PCDH15: variants seen among roughly 807,000 people sequenced by gnomAD.
The protein encoded by PCDH15 is protocadherin-15.
In PCDH15, 129 loss-of-function variants were observed where a neutral mutation model predicts 178.5. The ratio of observed to expected loss-of-function variants is 0.72; its 90% CI spans 0.63 to 0.84. The LOEUF (loss-of-function observed/expected upper bound fraction) is 0.84. Among genes scored for constraint, PCDH15 ranks in the 40% least tolerant of loss-of-function variants. The pLI, the probability that PCDH15 is intolerant of heterozygous loss-of-function variation, is 0.00. For missense variants in PCDH15, 2,230 were observed against 2,099.9 expected, an observed-to-expected ratio of 1.06 and a Z score of -1.21; for synonymous variants, 800 against 732.0, an observed-to-expected ratio of 1.09 and a Z score of -1.50.
chr10:55,309,173 AT>A (rs1314260365), intron 1 of PCDH15, among the ~76,000 whole-genome samples: 29 of 152,278 alleles, frequency 1.9e-4, no homozygotes, highest in African/African-American at 6.7e-4. Flanking sequence ...GCAAATTTCA[AT>A]TTTTAATATA....
chr10:53,975,175 A>G (rs2090084325), intron 21 of PCDH15, among the ~76,000 whole-genome samples: 1 of 152,092 alleles, frequency 6.6e-6, no homozygotes, highest in African/African-American at 2.4e-5. Context: ...TCTTTATCCA[A>G]TACACCACTG....
chr10:55,386,758 A>C (rs953339604), intron 2 of PCDH15, among the ~76,000 whole-genome samples: 3 of 152,128 alleles, frequency 2.0e-5, no homozygotes, highest in African/African-American at 7.2e-5. Context: ...TAGTCTAAAA[A>C]GTGATCTTTT....
chr10:54,976,170 G>A (rs1389096935), intron 2 of PCDH15, among the ~76,000 whole-genome samples: 1 of 152,122 alleles, frequency 6.6e-6, no homozygotes, highest in East Asian at 1.9e-4. Flanking sequence ...TAGAGTAAAA[G>A]TTGTAGAAGA....
chr10:55,129,107 A>C (rs1448508719), intron 2 of PCDH15, among the ~76,000 whole-genome samples: 1 of 152,084 alleles, frequency 6.6e-6, no homozygotes, highest in Non-Finnish European at 1.5e-5. Context: ...AGGGAATCTT[A>C]ATCTTTTGTC....
intron 1 of PCDH15, among the ~76,000 whole-genome samples, chr10:55,272,407 T>A (rs1340350224): frequency 6.6e-6 from 1 of 151,158 alleles, no homozygotes; most frequent in Admixed American, 6.6e-5. Context: ...TTTTCTTATT[T>A]ATTTTATTTT....
intron 2 of PCDH15, among the ~76,000 whole-genome samples, chr10:55,055,971 T>C (rs1841288811): frequency 6.6e-6 from 1 of 152,174 alleles, no homozygotes; most frequent in Non-Finnish European, 1.5e-5. Context: ...GATGTACCTT[T>C]CATTCATACT....
intron 3 of PCDH15, among the ~76,000 whole-genome samples, chr10:54,436,031 G>GGAGA (rs753698148): frequency 0.018 from 633 of 34,578 alleles, 9 homozygotes; most frequent in Non-Finnish European, 0.032. Context: ...GGAGAGGAGA[G>GGAGA]GAGAGAGAGA....
At chr10:55,119,000 C>A (rs2132063996) in intron 2 of PCDH15, among the ~76,000 whole-genome samples, 1 of 152,238 alleles carries the variant, frequency 6.6e-6, no homozygotes, top group African/African-American at 2.4e-5. Flanking sequence ...GGACCATGCT[C>A]CCTCTGTTCA....
At chr10:54,597,051 T>C (rs550088195) in intron 2 of PCDH15, among the ~76,000 whole-genome samples, 1 of 151,908 alleles carries the variant, frequency 6.6e-6, no homozygotes, top group East Asian at 1.9e-4. Context: ...AAGCAGAAAA[T>C]TAACAAAAAT....
chr10:54,242,133 TATA>T (rs1336363092), intron 8 of PCDH15, among the ~76,000 whole-genome samples: 9 of 3,092 alleles, frequency 2.9e-3, no homozygotes, highest in East Asian at 0.021. Context: ...TCTATTTTTA[TATA>T]TATATATATA....
intron 2 of PCDH15, among the ~76,000 whole-genome samples, chr10:55,484,424 C>A (rs2132121660): frequency 6.6e-6 from 1 of 151,850 alleles, no homozygotes; most frequent in South Asian, 2.1e-4. Flanking sequence ...ATCCTATCTT[C>A]ATCCTATGAA....
chr10:54,288,269 G>A (rs996432915), intron 8 of PCDH15, among the ~76,000 whole-genome samples: 9 of 152,222 alleles, frequency 5.9e-5, no homozygotes, highest in East Asian at 1.9e-4. Flanking sequence ...GTGGTAAGCC[G>A]AGATTGTGCC....
intron 9 of PCDH15, among the ~76,000 whole-genome samples, chr10:54,234,489 G>A (rs2054425257): frequency 6.6e-6 from 1 of 152,130 alleles, no homozygotes; most frequent in Non-Finnish European, 1.5e-5. Context: ...GGAAGTCGAA[G>A]CTTCAATGAG....
intron 2 of PCDH15, among the ~76,000 whole-genome samples, chr10:55,598,916 C>A (rs2132140945): frequency 6.6e-6 from 1 of 152,194 alleles, no homozygotes; most frequent in East Asian, 1.9e-4. Flanking sequence ...CGGAAGATTT[C>A]ATTACAACCT....
At chr10:55,507,788 A>G in intron 2 of PCDH15, among the ~76,000 whole-genome samples, 1 of 151,584 alleles carries the variant, frequency 6.6e-6, no homozygotes, top group East Asian at 1.9e-4. Context: ...CAGAAAAGAT[A>G]ATGGTTCGTT....
At chr10:55,053,582 G>C (rs1841218857) in intron 2 of PCDH15, among the ~76,000 whole-genome samples, 1 of 152,192 alleles carries the variant, frequency 6.6e-6, no homozygotes, top group Non-Finnish European at 1.5e-5. Context: ...ATCTAACATG[G>C]TGAGGCAATA....
chr10:54,614,938 T>A (rs923000145), intron 2 of PCDH15, among the ~76,000 whole-genome samples: 3 of 152,084 alleles, frequency 2.0e-5, no homozygotes, highest in African/African-American at 7.2e-5. Flanking sequence ...ATATATGATA[T>A]GTATAAGATA....
intron 2 of PCDH15, among the ~76,000 whole-genome samples, chr10:55,536,599 G>A (rs1841583086): frequency 6.6e-6 from 1 of 152,202 alleles, no homozygotes; most frequent in South Asian, 2.1e-4. Flanking sequence ...TTGGAAAAAA[G>A]CACTTTTCAT....
chr10:55,222,712 C>CACACACACAG (rs1375777933), intron 1 of PCDH15, among the ~76,000 whole-genome samples: 141 of 21,862 alleles, frequency 6.4e-3, no homozygotes, highest in Non-Finnish European at 0.015. Context: ...TATCTTTATA[C>CACACACACAG]ACACACACAC....
Sources: gnomAD v4.1 joint callset for allele counts (sites outside exome capture counted in the v4.1 genomes callset) on GRCh38, gnomAD v4.1.1 for gene constraint, MANE v1.5 for transcripts, NCBI Gene and HGNC (gene_info 2026-07-23, HGNC 2026-07-21) for gene names.